SCLT1: variants seen among roughly 807,000 people sequenced by gnomAD.
SCLT1 encodes sodium channel-associated protein 1.
A neutral mutation model predicts 112.8 loss-of-function variants in SCLT1; 78 were observed. The ratio of observed to expected loss-of-function variants is 0.69; its 90% confidence interval spans 0.58 to 0.83. The LOEUF is 0.83. SCLT1 is among the 40% of genes least tolerant of loss of function. The pLI, the probability that SCLT1 is intolerant of heterozygous loss-of-function variation, is 0.00. For synonymous variants in SCLT1, 257 were observed against 254.7 expected, an observed-to-expected ratio of 1.01 and a Z score of -0.09; for missense variants, 747 against 770.4, an observed-to-expected ratio of 0.97 and a Z score of 0.36.
intron 13 of SCLT1, among the ~76,000 whole-genome samples, chr4:128,953,388 T>C (rs1738933096): frequency 6.6e-6 from 1 of 152,214 alleles, no homozygotes. Flanking sequence ...ATACAGCCTC[T>C]GGAAAACAAC....
intron 2 of SCLT1, among the ~76,000 whole-genome samples, chr4:129,057,220 G>A (rs1038999358): frequency 3.9e-5 from 6 of 151,962 alleles, no homozygotes; most frequent in African/African-American, 1.5e-4. Context: ...TATGCTGCTG[G>A]ATTCTTTTTC....
intron 2 of SCLT1, among the ~76,000 whole-genome samples, chr4:129,074,943 C>T (rs984950432): frequency 6.6e-6 from 1 of 152,142 alleles, no homozygotes; most frequent in African/African-American, 2.4e-5. Context: ...CTCAATGATC[C>T]TCCTGCCACA....
chr4:128,948,355 AAAAAG>A (rs1560878888), intron 15 of SCLT1, 136 bp downstream of exon 15: 46 of 1,018,126 alleles, frequency 4.5e-5, no homozygotes, highest in South Asian at 1.1e-4. Flanking sequence ...AAAAAAAAAA[AAAAAG>A]AAAAGAAAAG....
At position 129,059,036 on chromosome 4, in the gene SCLT1, A is replaced by G. The variant is rs530406901; in HGVS notation, c.103-14985T>C. On this transcript the variant is annotated intron_variant, in intron 2 of 20. Transcript: ENST00000281142. ...TAATTGAATTCATCATTATACAATG[A>G]CTTTGTGTTTGTTTCCAGTTTTTGA... Among the ~76,000 whole-genome samples, 106 of 152,230 alleles carry G rather than the reference A, an allele frequency of 7.0e-4. 1 individual carries two copies. Among genetic ancestry groups the G allele is most frequent in the South Asian group, 2.7e-3 (13 of 4,824 alleles).
At position 129,081,119 on chromosome 4, in the gene SCLT1, CA is replaced by C. The variant is rs560098504; in HGVS notation, c.102+1186del. On this transcript the variant is annotated intron_variant, in intron 2 of 20. Coordinates refer to ENST00000281142, the MANE Select transcript of SCLT1 (RefSeq NM_144643.4). ...AACCCACTCCTACCCATTTCAGTCC[CA>C]ATAAGTTAAAGATCTTAAGTAGTTT... Among the ~76,000 whole-genome samples, 7 of 152,262 alleles carry C rather than the reference CA, an allele frequency of 4.6e-5. No homozygotes were observed. In the South Asian group the frequency reaches 1.5e-3, roughly 32 times the overall value.
At chr4:129,026,679 A>G (rs1377660094) in intron 5 of SCLT1, among the ~76,000 whole-genome samples, 3 of 152,208 alleles carry the variant, frequency 2.0e-5, no homozygotes, top group Admixed American at 6.5e-5. Context: ...AAGCTAGCAG[A>G]AGGCAAGAAA....
Position 129,024,364 on chromosome 4 carries a change from G to A in SCLT1, c.290+14677C>T, listed in dbSNP as rs552659311. Among the ~76,000 whole-genome samples the A allele has an allele frequency of 7.6e-3, 1,152 of 152,234 alleles. 11 individuals are homozygous for A. The highest frequency in any genetic ancestry group is 0.011 in the Non-Finnish European group (755 of 68,014). ...TCTGAGACAAAACTTCCAGAGGAAC[G>A]ATCAGGCAGCAGCATTCGCGATTCA... On this transcript the variant is annotated intron_variant, in intron 5 of 20. Coordinates refer to ENST00000281142, the MANE Select transcript of SCLT1 (RefSeq NM_144643.4).
At chr4:128,915,370 A>G (rs1336881876) in intron 18 of SCLT1, among the ~76,000 whole-genome samples, 1 of 152,210 alleles carries the variant, frequency 6.6e-6, no homozygotes, top group African/African-American at 2.4e-5. Context: ...TATGACCTTA[A>G]TTATTAGCAA....
chr4:128,990,837 C>T (rs1671772748), intron 9 of SCLT1, among the ~76,000 whole-genome samples: 1 of 148,878 alleles, frequency 6.7e-6, no homozygotes, highest in Non-Finnish European at 1.5e-5. Context: ...TTTACAATAG[C>T]TACAAATAAA....
At chr4:129,055,476 C>T (rs1279812935) in intron 2 of SCLT1, among the ~76,000 whole-genome samples, 1 of 152,170 alleles carries the variant, frequency 6.6e-6, no homozygotes, top group Admixed American at 6.5e-5. Context: ...CAGAGATACC[C>T]TATGAACATG....
chr4:129,038,931 G>C (rs1299396376), intron 5 of SCLT1, 110 bp downstream of exon 5: 3 of 715,678 alleles, frequency 4.2e-6, no homozygotes, highest in African/African-American at 1.8e-5. Context: ...AATCAGCCCC[G>C]GGGTCCACAT....
At chr4:128,880,372 A>G (rs1010924343), downstream of SCLT1, among the ~76,000 whole-genome samples, 3 of 152,162 alleles carry the variant, frequency 2.0e-5, no homozygotes, top group African/African-American at 7.2e-5. Context: ...ATGTGTGGCT[A>G]GCATTCATTG....
At chr4:129,044,522 A>C (rs998874049) in intron 2 of SCLT1, among the ~76,000 whole-genome samples, 9 of 152,006 alleles carry the variant, frequency 5.9e-5, no homozygotes, top group Admixed American at 1.3e-4. Flanking sequence ...GTAATCAAAA[A>C]AAATCCTATT....
rs1291460559 is a variant in SCLT1 at position 128,897,452 on chromosome 4, C to T, written c.1830-6315G>A. Among the ~76,000 whole-genome samples the T allele has an allele frequency of 2.7e-5, 4 of 148,368 alleles. No homozygotes were observed. In the Middle Eastern group the frequency reaches 0.01, roughly 378 times the overall value. The stretch of plus-strand genomic sequence containing the variant: ...TTCATAAGTGAAGGAGAAATAAAAT[C>T]CTTTACAGACAAGCAAATGCTGAGA... On this transcript the variant is annotated intron_variant, in intron 18 of 20. Coordinates refer to ENST00000281142, the MANE Select transcript of SCLT1 (RefSeq NM_144643.4).
chr4:128,894,411 C>T lies in SCLT1; in HGVS notation c.1830-3274G>A, dbSNP rs1451557621. Among the ~76,000 whole-genome samples the T allele has an allele frequency of 2.6e-5, 3 of 113,744 alleles. No homozygotes were observed. The East Asian group carries it at 8.0e-4, about 30-fold the overall frequency. 74.6% of individuals were successfully genotyped at this position (113,744 alleles called of 152,430 possible). A position where few individuals can be genotyped will look rare whatever the true frequency, so the allele number is the denominator to read the frequency against. Reference sequence around the variant, plus strand: ...ACACACACACACACACACACACACACACAGAGTATATGTGTGTGTGTATGT... The same window carrying T: ...ACACACACACACACACACACACACATACAGAGTATATGTGTGTGTGTATGT... On this transcript the variant is annotated intron_variant, in intron 18 of 20. Transcript: ENST00000281142.
chr4:129,042,727 C>A (rs1019237922), intron 4 of SCLT1, among the ~76,000 whole-genome samples: 6 of 152,090 alleles, frequency 3.9e-5, no homozygotes, highest in African/African-American at 1.2e-4. Flanking sequence ...CTCACTAAAG[C>A]CTCGACCTCC....
chr4:128,989,046 C>A (rs1333417852), intron 9 of SCLT1, among the ~76,000 whole-genome samples: 1 of 151,782 alleles, frequency 6.6e-6, no homozygotes, highest in Non-Finnish European at 1.5e-5. Flanking sequence ...CTTCAACACC[C>A]CTCTTTCAGA....
intron 18 of SCLT1, among the ~76,000 whole-genome samples, chr4:128,934,250 A>G (rs143570371): frequency 6.6e-6 from 1 of 151,906 alleles, no homozygotes; most frequent in Non-Finnish European, 1.5e-5. Context: ...TAAAAACACA[A>G]ATGTGTGTAC....
intron 18 of SCLT1, among the ~76,000 whole-genome samples, chr4:128,918,657 C>G (rs915007182): frequency 3.9e-5 from 6 of 152,018 alleles, no homozygotes; most frequent in Admixed American, 6.5e-5. Flanking sequence ...GATGAAGAAG[C>G]AAGACCCAAC....
Sources: allele counts gnomAD v4.1 joint callset (sites outside exome capture counted in the v4.1 genomes callset), GRCh38; gene constraint gnomAD v4.1.1; transcripts MANE v1.5; gene names NCBI Gene and HGNC (gene_info 2026-07-23, HGNC 2026-07-21).